Variants in CTNNA1 observed in about 807,000 individuals in gnomAD.
CTNNA1 encodes the protein catenin alpha-1.
In CTNNA1, 37 loss-of-function variants were observed where a neutral mutation model predicts 98.4. The ratio of observed to expected loss-of-function variants is 0.38; its 90% confidence interval spans 0.29 to 0.49. The LOEUF (loss-of-function observed/expected upper bound fraction) is 0.49. Ranked by LOEUF, CTNNA1 falls within the 20% of genes least tolerant of loss-of-function variation. The pLI is 0.95. For missense variants in CTNNA1, 761 were observed against 1,147.2 expected (o/e 0.66, Z 4.86); for synonymous variants, 404 against 413.2 (o/e 0.98, Z 0.27).
At chr5:138,875,147 T>A (rs1221913535) in intron 7 of CTNNA1, 1 of 449,412 alleles carries the variant, frequency 2.2e-6, no homozygotes, top group African/African-American at 2.0e-5. Flanking sequence ...GTTTTGAATA[T>A]AAGTTATTAA....
At chr5:138,852,078 T>TA in intron 7 of CTNNA1, among the ~76,000 whole-genome samples, 1 of 151,954 alleles carries the variant, frequency 6.6e-6, no homozygotes, top group African/African-American at 2.4e-5. Context: ...CTCAAAAAAA[T>TA]AAAAAATAAA....
At chr5:138,812,400 T>G in intron 5 of CTNNA1, 98 bp downstream of exon 5, 1 of 1,306,264 alleles carries the variant, frequency 7.7e-7, no homozygotes, top group African/African-American at 1.5e-5. Context: ...ATTACTTACC[T>G]TCGCCAATAT....
chr5:138,769,927 A>T (rs1443185111), intron 1 of CTNNA1, among the ~76,000 whole-genome samples: 1 of 144,112 alleles, frequency 6.9e-6, no homozygotes, highest in Admixed American at 7.0e-5. Context: ...GCTCATTGCA[A>T]CCTCTGCTTC....
At chr5:138,799,352 G>C (rs1282183134) in intron 3 of CTNNA1, among the ~76,000 whole-genome samples, 3 of 152,142 alleles carry the variant, frequency 2.0e-5, no homozygotes, top group Non-Finnish European at 4.4e-5. Flanking sequence ...TAGAGATGGG[G>C]TTTTGCCATG....
At position 138,772,597 on chromosome 5, in the gene CTNNA1, C is replaced by G. The variant is rs182291980; in HGVS notation, c.-2-9326C>G. On this transcript the variant is annotated intron_variant, in intron 1 of 17. Transcript: ENST00000302763. ...ATAAATTCAGCTCAACTAATACTAT[C>G]TGCCCTGCATAAAGCTCCCAGCCAG... 6.6e-5 allele frequency among the ~76,000 whole-genome samples: 10 copies of G among 152,344 alleles called. 1 individual carries two copies. Among genetic ancestry groups the G allele is most frequent in the African/African-American group, 1.9e-4 (8 of 41,574 alleles).
intron 16 of CTNNA1, 164 bp from the exon 17 acceptor site, chr5:138,932,414 G>T: frequency 6.9e-7 from 1 of 1,441,234 alleles, no homozygotes; most frequent in Non-Finnish European, 9.1e-7. Context: ...CCCAAGCAGA[G>T]TGTAGGCAAG....
At chr5:138,892,767 A>G (rs1302361641) in intron 9 of CTNNA1, among the ~76,000 whole-genome samples, 1 of 152,050 alleles carries the variant, frequency 6.6e-6, no homozygotes, top group African/African-American at 2.4e-5. Context: ...CTGTAATCCC[A>G]GCACTTTGGG....
intron 1 of CTNNA1, among the ~76,000 whole-genome samples, chr5:138,765,676 C>A (rs537365915): frequency 6.6e-6 from 1 of 152,006 alleles, no homozygotes; most frequent in African/African-American, 2.4e-5. Flanking sequence ...TGGCGCTGGG[C>A]GAGGTGGCTC....
Position 138,874,579 on chromosome 5 carries a change from A to G in CTNNA1, c.1063-11633A>G, listed in dbSNP as rs1417431847. 7.0e-7 allele frequency: 1 copy of G among 1,421,794 alleles called. No homozygotes were observed. 88.1% of individuals were successfully genotyped at this position (1,421,794 alleles called of 1,614,324 possible). On this transcript the variant is annotated intron_variant, in intron 7 of 17. Coordinates refer to ENST00000302763, the MANE Select transcript of CTNNA1 (RefSeq NM_001903.5). The surrounding 1 kb of genome is among the most constrained non-coding windows in gnomAD (Gnocchi z 4.1). ...AGCCTGCAGAATATAATTTAAGGAA[A>G]ACAAGAAGATAGGATATTTTTCAGC...
intron 1 of CTNNA1, among the ~76,000 whole-genome samples, chr5:138,758,660 CCA>C (rs1751979022): frequency 1.3e-5 from 2 of 152,220 alleles, no homozygotes; most frequent in Non-Finnish European, 2.9e-5. Flanking sequence ...CAGGTGTGAG[CCA>C]CCACACCCGG....
chr5:138,799,324 C>G (rs1460255631), intron 3 of CTNNA1, among the ~76,000 whole-genome samples: 1 of 152,254 alleles, frequency 6.6e-6, no homozygotes, highest in Middle Eastern at 3.4e-3. Context: ...CCACGCCTGG[C>G]TAATTTTGTA....
chr5:138,823,740 G>A (rs1021364546), intron 5 of CTNNA1, among the ~76,000 whole-genome samples: 3 of 151,876 alleles, frequency 2.0e-5, no homozygotes, highest in South Asian at 4.2e-4. Context: ...GGCGGATCAC[G>A]AGGTCAGGAG....
intron 7 of CTNNA1, among the ~76,000 whole-genome samples, chr5:138,867,352 C>G (rs995482456): frequency 6.6e-6 from 1 of 152,142 alleles, no homozygotes; most frequent in African/African-American, 2.4e-5. Flanking sequence ...GGCTGTGGTG[C>G]TGGAGAAACA....
chr5:138,848,973 C>T (rs111636484), intron 7 of CTNNA1, among the ~76,000 whole-genome samples: 167 of 152,254 alleles, frequency 1.1e-3, no homozygotes, highest in Non-Finnish European at 1.7e-3. Flanking sequence ...ATGCCTGCCT[C>T]GGCCTCCCAA....
intron 5 of CTNNA1, among the ~76,000 whole-genome samples, chr5:138,819,858 C>T (rs867161111): frequency 1.3e-4 from 1 of 7,944 alleles, no homozygotes. Flanking sequence ...TGGCGGGGGG[C>T]GGGGGGGTGA....
chr5:138,863,256 A>C (rs960650814), intron 7 of CTNNA1, among the ~76,000 whole-genome samples: 1 of 151,462 alleles, frequency 6.6e-6, no homozygotes, highest in Non-Finnish European at 1.5e-5. Flanking sequence ...TTTTTTTTGA[A>C]ACAGTGTCTT....
In CTNNA1 at chr5:138,874,664, C is replaced by G. The variant is rs751840756; in HGVS notation, c.1063-11548C>G. 9.1e-6 allele frequency: 7 copies of G among 770,052 alleles called. No homozygotes were observed. The highest frequency in any genetic ancestry group is 1.4e-5 in the Non-Finnish European group (7 of 491,710). 47.7% of individuals were successfully genotyped at this position (770,052 alleles called of 1,614,324 possible). On this transcript the variant is annotated intron_variant, in intron 7 of 17. Transcript: ENST00000302763. This position sits in a 1 kb window ranked among gnomAD's most constrained non-coding sequence, Gnocchi z 4.1. The stretch of plus-strand genomic sequence containing the variant: ...ACCAACATTATAGCAAAAGATTTCA[C>G]TGCATATAACTTATTTTTCATTTAC...
chr5:138,903,520 T>C (rs1447580520), intron 9 of CTNNA1, among the ~76,000 whole-genome samples: 1 of 152,204 alleles, frequency 6.6e-6, no homozygotes, highest in Non-Finnish European at 1.5e-5. Flanking sequence ...TTTAGAAATA[T>C]GGATAAGTGA....
chr5:138,779,609 C>T (rs1730133692), intron 1 of CTNNA1, among the ~76,000 whole-genome samples: 1 of 152,040 alleles, frequency 6.6e-6, no homozygotes, highest in Non-Finnish European at 1.5e-5. Flanking sequence ...CTTAAGTGAT[C>T]CTCCTGCCTT....
Sources: gnomAD v4.1 joint callset for allele counts (sites outside exome capture counted in the v4.1 genomes callset) on GRCh38, gnomAD v4.1.1 for gene constraint, Gnocchi (gnomAD v3.1) non-coding constraint, MANE v1.5 for transcripts, NCBI Gene and HGNC (gene_info 2026-07-23, HGNC 2026-07-21) for gene names.